The following PIKFYVE variants were observed in gnomAD, a reference collection of about 807,000 sequenced individuals.
PIKFYVE encodes the protein phosphoinositide kinase, FYVE-type zinc finger containing.
A neutral mutation model predicts 257.9 loss-of-function variants in PIKFYVE; 122 were observed. That is an observed-to-expected ratio of 0.47 (90% CI 0.41 to 0.55). The LOEUF (loss-of-function observed/expected upper bound fraction) is 0.55, where lower values mean the gene tolerates loss of function less well. PIKFYVE is among the 20% of genes least tolerant of loss of function. The pLI, the probability that PIKFYVE is intolerant of heterozygous loss-of-function variation, is 0.00. For synonymous variants in PIKFYVE, 892 were observed against 868.9 expected (o/e 1.03, Z -0.47); for missense variants, 2,160 against 2,536.6 (o/e 0.85, Z 3.19).
chr2:208,339,120 C>T (rs1488099388), intron 29 of PIKFYVE, among the ~76,000 whole-genome samples: 6 of 152,242 alleles, frequency 3.9e-5, no homozygotes, highest in African/African-American at 9.6e-5. Flanking sequence ...CTCTATTAAA[C>T]TAAAAACTAA....
intron 12 of PIKFYVE, among the ~76,000 whole-genome samples, chr2:208,306,414 A>T (rs890589360): frequency 5.9e-5 from 9 of 152,258 alleles, no homozygotes; most frequent in Admixed American, 5.9e-4. Context: ...CACACAGATG[A>T]TGAACATCTG....
chr2:208,307,841 G>T (rs771637215), intron 12 of PIKFYVE, among the ~76,000 whole-genome samples: 13 of 150,986 alleles, frequency 8.6e-5, no homozygotes, highest in Non-Finnish European at 1.6e-4. Context: ...CAATAATTTT[G>T]TAGACAAAGA....
In PIKFYVE at chr2:208,301,063, T is replaced by C; in HGVS notation, c.1177T>C (p.Trp393Arg). 6.2e-7 allele frequency: 1 copy of C among 1,614,156 alleles called. No individual in the cohort carries two copies. Among genetic ancestry groups the C allele is most frequent in the Non-Finnish European group, 8.5e-7 (1 of 1,179,988 alleles). ...CATTGTAGGAAAGGAATTAGTCAAC[T>C]GGCTAATCCGAAATGGGCATATTGC... Reference protein sequence around the residue: ...NCIVGKELVNWLIRNGHIATR... With the variant: ...NCIVGKELVNRLIRNGHIATR... Residue 393 changes from tryptophan to arginine, a missense_variant, in exon 9 of 42, where the codon TGG becomes CGG. Transcript: ENST00000264380.
chr2:208,298,066 C>T (rs1048432093), intron 7 of PIKFYVE, among the ~76,000 whole-genome samples: 16 of 152,046 alleles, frequency 1.1e-4, no homozygotes, highest in African/African-American at 3.4e-4. Context: ...CTTATTTGGG[C>T]GTCAAAATTG....
chr2:208,316,734 A>G (rs1167405007), intron 15 of PIKFYVE, among the ~76,000 whole-genome samples: 2 of 152,232 alleles, frequency 1.3e-5, no homozygotes, highest in Admixed American at 6.5e-5. Context: ...TTCAAACTAT[A>G]CTACAAGGCT....
chr2:208,335,274 A>G (rs757587835), intron 24 of PIKFYVE, 32 bp from the exon 25 acceptor site: 1 of 1,429,388 alleles, frequency 7.0e-7, no homozygotes, highest in Non-Finnish European at 9.9e-7. Flanking sequence ...GCTATTTTTC[A>G]TTTTCTATTG....
At chr2:208,289,751 A>G (rs188085617) in intron 7 of PIKFYVE, among the ~76,000 whole-genome samples, 199 of 152,066 alleles carry the variant, frequency 1.3e-3, no homozygotes, top group African/African-American at 4.4e-3. Flanking sequence ...AGTAAAATAC[A>G]GAGATGGGGT....
chr2:208,313,225 G>T (rs1695119689), intron 13 of PIKFYVE, among the ~76,000 whole-genome samples: 1 of 151,962 alleles, frequency 6.6e-6, no homozygotes, highest in East Asian at 1.9e-4. Context: ...TTATTCAACA[G>T]TTATTTAGTG....
At chr2:208,301,401 C>T (rs1167767242) in intron 9 of PIKFYVE, among the ~76,000 whole-genome samples, 2 of 152,214 alleles carry the variant, frequency 1.3e-5, no homozygotes, top group African/African-American at 4.8e-5. Flanking sequence ...TCCCCAGCTA[C>T]TGTTCACTAA....
At chr2:208,300,419 C>G (rs1693538901) in intron 8 of PIKFYVE, among the ~76,000 whole-genome samples, 2 of 152,122 alleles carry the variant, frequency 1.3e-5, no homozygotes, top group African/African-American at 2.4e-5. Flanking sequence ...TTTGGGACTA[C>G]CTGGTGGAAG....
At chr2:208,312,974 A>T (rs1396571918) in intron 13 of PIKFYVE, among the ~76,000 whole-genome samples, 1 of 152,216 alleles carries the variant, frequency 6.6e-6, no homozygotes, top group Non-Finnish European at 1.5e-5. Context: ...ATAGCTTGGC[A>T]GTGCTTCTAA....
At chr2:208,267,301 C>T (rs1688767078) in intron 1 of PIKFYVE, among the ~76,000 whole-genome samples, 1 of 152,030 alleles carries the variant, frequency 6.6e-6, no homozygotes, top group African/African-American at 2.4e-5. Context: ...AATGTTCTTT[C>T]TTTTGTGTTT....
Position 208,330,419 on chromosome 2 carries a change from A to G in PIKFYVE, c.3792-104A>G, listed in dbSNP as rs555114577. On this transcript the variant is annotated intron_variant, in intron 22 of 41. Transcript: ENST00000264380. ...TGTTCAGCTGCAGGCTCAGAGCAGC[A>G]TGAGTACCTTGTGCAGATTGTTCAC... is the stretch of plus-strand genomic sequence containing the variant. The G allele has an allele frequency of 8.8e-6, 12 of 1,360,848 alleles. No homozygotes were observed. The Admixed American group carries it at 1.2e-4, about 13-fold the overall frequency. The allele number at this position is 1,360,848 out of a possible 1,614,324, so 84.3% of individuals were successfully genotyped here.
chr2:208,300,216 TG>T (rs751600070), intron 8 of PIKFYVE, among the ~76,000 whole-genome samples: 6 of 152,126 alleles, frequency 3.9e-5, no homozygotes, highest in Non-Finnish European at 7.4e-5. Flanking sequence ...AGGCTTAAAC[TG>T]AAGGACTTGA....
intron 15 of PIKFYVE, among the ~76,000 whole-genome samples, chr2:208,316,738 C>T (rs2125482122): frequency 6.6e-6 from 1 of 152,314 alleles, no homozygotes; most frequent in South Asian, 2.1e-4. Context: ...AACTATACTA[C>T]AAGGCTACAG....
Position 208,312,264 on chromosome 2 carries a change from A to G in PIKFYVE, c.1665A>G (p.Gln555=), listed in dbSNP as rs1246295075. ...KEYLISDTGG[Q]QLSISDAFIK... is the part of the protein sequence containing the mutation. ...ATTTGATTTCTGACACTGGAGGACA[A>G]CAGCTCTCAATAAGTGACGCTTTCA... The change falls in exon 13 of 42, where the codon CAA becomes CAG. Residue 555 remains glutamine (Q), a synonymous_variant. Transcript: ENST00000264380. 5 of 1,611,790 alleles carry G rather than the reference A, an allele frequency of 3.1e-6. No individual in the cohort carries two copies. Among genetic ancestry groups the G allele is most frequent in the Non-Finnish European group, 3.4e-6 (4 of 1,178,684 alleles).
rs757488495 is a variant in PIKFYVE at position 208,346,027 on chromosome 2, CT to C, written c.5112-14del. On this transcript the variant is annotated intron_variant, in intron 33 of 41. Transcript: ENST00000264380. ...TTGACTTGTATAAAACTAAATTTTT[CT>C]TTTTTTTTCTTTTCATTTTAGTACT... The C allele has an allele frequency of 9.9e-5, 153 of 1,551,518 alleles. 1 individual carries two copies. The highest frequency in any genetic ancestry group is 7.6e-4 in the African/African-American group (56 of 73,368).
intron 15 of PIKFYVE, among the ~76,000 whole-genome samples, chr2:208,315,588 G>A (rs1695413132): frequency 1.3e-5 from 2 of 152,142 alleles, no homozygotes; most frequent in African/African-American, 2.4e-5. Context: ...GAGTTATATC[G>A]GAGATGAGTT....
chr2:208,311,776 T>C (rs778167533), intron 12 of PIKFYVE, among the ~76,000 whole-genome samples: 1 of 152,186 alleles, frequency 6.6e-6, no homozygotes, highest in Non-Finnish European at 1.5e-5. Flanking sequence ...GCTTATATTC[T>C]GAAATTTGAA....
Sources: gnomAD v4.1 joint callset for allele counts (sites outside exome capture counted in the v4.1 genomes callset) on GRCh38, gnomAD v4.1.1 for gene constraint, MANE v1.5 for transcripts, NCBI Gene and HGNC (gene_info 2026-07-23, HGNC 2026-07-21) for gene names.